Variants in TMPRSS11F observed in about 807,000 individuals in gnomAD.
TMPRSS11F encodes transmembrane protease serine 11F.
In TMPRSS11F, 47 loss-of-function variants were observed where a neutral mutation model predicts 60.2. The ratio of observed to expected loss-of-function variants is 0.78; its 90% CI spans 0.62 to 1.00. The LOEUF is 1.00. Among genes scored for constraint, TMPRSS11F ranks in the 50% least tolerant of loss-of-function variants. TMPRSS11F has a pLI of 0.00. For missense variants in TMPRSS11F, 519 were observed against 522.9 expected, an observed-to-expected ratio of 0.99 and a Z score of 0.07; for synonymous variants, 166 against 167.3, an observed-to-expected ratio of 0.99 and a Z score of 0.06.
At chr4:68,060,202 G>C (rs542169821) in intron 8 of TMPRSS11F, among the ~76,000 whole-genome samples, 1 of 151,250 alleles carries the variant, frequency 6.6e-6, no homozygotes, top group African/African-American at 2.4e-5. Flanking sequence ...AAAAAAGCTA[G>C]ATTAAGATAT....
intron 1 of TMPRSS11F, among the ~76,000 whole-genome samples, chr4:68,127,456 C>A (rs1203497082): frequency 1.3e-5 from 2 of 152,024 alleles, no homozygotes; most frequent in Admixed American, 1.3e-4. Flanking sequence ...CTCTGCCTCA[C>A]TTGCAGAGGG....
chr4:68,079,468 T>G (rs536169745), intron 3 of TMPRSS11F, among the ~76,000 whole-genome samples: 1 of 152,262 alleles, frequency 6.6e-6, no homozygotes, highest in South Asian at 2.1e-4. Context: ...TGAATATAAA[T>G]CTCCTAAGAG....
intron 1 of TMPRSS11F, among the ~76,000 whole-genome samples, chr4:68,118,870 G>T (rs150427172): frequency 6.6e-6 from 1 of 152,118 alleles, no homozygotes; most frequent in Admixed American, 6.5e-5. Context: ...TCTAATTAGG[G>T]TGAAAGCAAA....
intron 4 of TMPRSS11F, among the ~76,000 whole-genome samples, 186 bp from the exon 5 acceptor site, chr4:68,072,672 T>A (rs1723505334): frequency 6.6e-6 from 1 of 152,080 alleles, no homozygotes; most frequent in Non-Finnish European, 1.5e-5. Context: ...GGAAGCACTG[T>A]AGAAGAAATA....
At chr4:68,104,284 G>T (rs1411023416) in intron 1 of TMPRSS11F, among the ~76,000 whole-genome samples, 1 of 152,092 alleles carries the variant, frequency 6.6e-6, no homozygotes, top group Non-Finnish European at 1.5e-5. Flanking sequence ...TTCATAAATG[G>T]CATTTATTGG....
chr4:68,129,640 T>A (rs1165956686), intron 1 of TMPRSS11F, among the ~76,000 whole-genome samples, 170 bp downstream of exon 1: 2 of 152,150 alleles, frequency 1.3e-5, no homozygotes, highest in Non-Finnish European at 2.9e-5. Flanking sequence ...AAAAAAATTC[T>A]GATATTTAAA....
At chr4:68,061,951 G>A (rs1723187693) in intron 8 of TMPRSS11F, 1 of 440,094 alleles carries the variant, frequency 2.3e-6, no homozygotes, top group Admixed American at 2.5e-5. Context: ...ATGCTTGTCT[G>A]CACTTAGATT....
intron 7 of TMPRSS11F, among the ~76,000 whole-genome samples, chr4:68,068,343 C>T (rs1461821545): frequency 6.6e-6 from 1 of 152,084 alleles, no homozygotes; most frequent in African/African-American, 2.4e-5. Flanking sequence ...ATAGTCTTCA[C>T]ACTAAAATAA....
intron 2 of TMPRSS11F, among the ~76,000 whole-genome samples, chr4:68,093,271 ACT>A (rs1723982741): frequency 6.6e-6 from 1 of 152,222 alleles, no homozygotes; most frequent in African/African-American, 2.4e-5. Flanking sequence ...ATATAAGAGT[ACT>A]GAAGCTTAGT....
chr4:68,056,415 C>A (rs1420281068), intron 9 of TMPRSS11F, among the ~76,000 whole-genome samples: 3 of 145,740 alleles, frequency 2.1e-5, no homozygotes, highest in Non-Finnish European at 3.0e-5. Context: ...GAAAACAATC[C>A]ATTTACAATA....
rs148740696 is a variant in TMPRSS11F, at chr4:68,129,809, C to G, written c.11+1G>C. 3 of 1,613,058 alleles carry G rather than the reference C, an allele frequency of 1.9e-6. No individual in the cohort carries two copies. The highest frequency in any genetic ancestry group is 2.5e-6 in the Non-Finnish European group (3 of 1,179,332). On this transcript the variant is annotated splice_donor_variant, in intron 1 of 9. Transcript: ENST00000356291. LOFTEE classifies it high-confidence loss of function. ...TTTACTGAGAAAAGCTGAATACTTA[C>G]GCGTACATCATGAACCCAGGACTGG...
In TMPRSS11F at chr4:68,053,956, T is replaced by C. The variant is rs1722991523; in HGVS notation, c.1270A>G (p.Arg424Gly). The C allele has an allele frequency of 6.2e-7, 1 of 1,613,662 alleles. No individual in the cohort carries two copies. Among genetic ancestry groups the C allele is most frequent in the African/African-American group, 1.3e-5 (1 of 74,920 alleles). ...ALPKKPGVYT[R>G]VTKYRDWIAS... ...ATCCAATCTCGATACTTAGTTACTCTGGTGTAGACTCCAGGTTTTTTGGGA... is the reference window on the plus strand; with the variant it reads ...ATCCAATCTCGATACTTAGTTACTCCGGTGTAGACTCCAGGTTTTTTGGGA... The change falls in exon 10 of 10, where the codon AGA (arginine) becomes GGA (glycine). Residue 424 changes from arginine (R) to glycine (G), a missense_variant. Coordinates refer to ENST00000356291, the MANE Select transcript of TMPRSS11F (RefSeq NM_207407.2).
At chr4:68,113,286 G>A (rs534569581) in intron 1 of TMPRSS11F, among the ~76,000 whole-genome samples, 3 of 152,112 alleles carry the variant, frequency 2.0e-5, no homozygotes, top group Non-Finnish European at 4.4e-5. Context: ...AATTGTTTTT[G>A]TGTCCTAGTG....
At chr4:68,083,085 T>A (rs1723739105) in intron 3 of TMPRSS11F, among the ~76,000 whole-genome samples, 1 of 152,146 alleles carries the variant, frequency 6.6e-6, no homozygotes, top group South Asian at 2.1e-4. Flanking sequence ...ATAAGCTGCA[T>A]ACCCATGACA....
At chr4:68,061,140 C>T (rs547140340) in intron 8 of TMPRSS11F, among the ~76,000 whole-genome samples, 1 of 152,032 alleles carries the variant, frequency 6.6e-6, no homozygotes, top group East Asian at 1.9e-4. Flanking sequence ...TATAATATTC[C>T]TGATTAATTA....
At chr4:68,124,373 G>A (rs1305447080) in intron 1 of TMPRSS11F, among the ~76,000 whole-genome samples, 1 of 152,004 alleles carries the variant, frequency 6.6e-6, no homozygotes, top group Non-Finnish European at 1.5e-5. Flanking sequence ...GCGTTGGGGT[G>A]CGCCTGTGGT....
chr4:68,091,753 C>CCATCTATCTA (rs1723936147), intron 2 of TMPRSS11F, among the ~76,000 whole-genome samples: 1 of 100,956 alleles, frequency 9.9e-6, no homozygotes, highest in Admixed American at 1.1e-4. Context: ...TCTAATCTCT[C>CCATCTATCTA]TCTCTCTCTC....
At chr4:68,113,438 G>A (rs942192011) in intron 1 of TMPRSS11F, among the ~76,000 whole-genome samples, 2 of 148,728 alleles carry the variant, frequency 1.3e-5, no homozygotes, top group East Asian at 1.9e-4. Flanking sequence ...TGCAATATCC[G>A]TGAAGTGCAG....
intron 3 of TMPRSS11F, among the ~76,000 whole-genome samples, chr4:68,083,807 C>A (rs1397866541): frequency 6.6e-6 from 1 of 152,086 alleles, no homozygotes; most frequent in East Asian, 1.9e-4. Flanking sequence ...ATCACCCTAC[C>A]TCCCCAGCAA....
Sources: gnomAD v4.1 joint callset for allele counts (sites outside exome capture counted in the v4.1 genomes callset) on GRCh38, gnomAD v4.1.1 for gene constraint, MANE v1.5 for transcripts, NCBI Gene and HGNC (gene_info 2026-07-23, HGNC 2026-07-21) for gene names.